Variants in ACBD4 observed in about 807,000 individuals in gnomAD.
ACBD4 encodes the protein acyl-CoA binding domain containing 4.
In ACBD4, 41 loss-of-function variants were observed where a neutral mutation model predicts 46.0. That is an observed-to-expected ratio of 0.89 (90% CI 0.69 to 1.16). The LOEUF (loss-of-function observed/expected upper bound fraction) is 1.16. Among genes scored for constraint, ACBD4 ranks in the 50% most tolerant of loss-of-function variants. The pLI, the probability that ACBD4 is intolerant of heterozygous loss-of-function variation, is 0.00. For synonymous variants in ACBD4, 162 were observed against 155.9 expected (o/e 1.04, Z -0.29); for missense variants, 393 against 399.5 (o/e 0.98, Z 0.14).
In ACBD4 at chr17:45,136,746, C is replaced by T; in HGVS notation, c.264C>T (p.Tyr88=). The change falls in exon 4 of 10, where the codon TAC becomes TAT. Residue 88 remains tyrosine, a synonymous_variant. Transcript: ENST00000321854. ...KMSREEAMSA[Y]ITEMKLVAQK... ...GCAGGGAGGAGGCCATGTCTGCCTACATCACTGAAATGAAACTGGTGGCAC... is the reference window on the plus strand; with the variant it reads ...GCAGGGAGGAGGCCATGTCTGCCTATATCACTGAAATGAAACTGGTGGCAC... 6.2e-7 allele frequency: 1 copy of T among 1,613,782 alleles called. No individual in the cohort carries two copies. The highest frequency in any genetic ancestry group is 8.5e-7 in the Non-Finnish European group (1 of 1,180,032).
At chr17:45,132,213 C>T, upstream of ACBD4, 12 of 1,249,472 alleles carry the variant, frequency 9.6e-6, no homozygotes, top group Non-Finnish European at 1.2e-5. The surrounding 1 kb of genome is among the most constrained non-coding windows in gnomAD (Gnocchi z 4.6). Flanking sequence ...GGGAACGGTC[C>T]GCGCCCACCC....
intron 2 of ACBD4, 132 bp from the exon 3 acceptor site, chr17:45,136,368 T>C: frequency 6.8e-7 from 1 of 1,463,504 alleles, no homozygotes; most frequent in South Asian, 1.2e-5. Flanking sequence ...TCCCTCCGCT[T>C]CCTATCCTAG....
upstream of ACBD4, chr17:45,132,663 C>G (rs1299452324): frequency 8.3e-6 from 2 of 241,648 alleles, no homozygotes; most frequent in Non-Finnish European, 7.9e-6. This position sits in a 1 kb window ranked among gnomAD's most constrained non-coding sequence, Gnocchi z 4.6. Flanking sequence ...CGCCCCTGCT[C>G]GTGAGTCCGT....
intron 8 of ACBD4, among the ~76,000 whole-genome samples, 185 bp from the exon 9 acceptor site, chr17:45,138,836 A>AC (rs2055065349): frequency 6.6e-6 from 1 of 151,730 alleles, no homozygotes; most frequent in Non-Finnish European, 1.5e-5. Flanking sequence ...ATAAGCGGCC[A>AC]TGCTGGGATT....
chr17:45,137,597 G>A (rs2054942660), intron 6 of ACBD4, 143 bp downstream of exon 6: 1 of 1,322,380 alleles, frequency 7.6e-7, no homozygotes. Flanking sequence ...TAGGATTCCT[G>A]TTCCAGGGCC....
At position 45,136,700 on chromosome 17, in the gene ACBD4, G is replaced by A; in HGVS notation, c.218G>A (p.Trp73Ter). 1 of 1,614,100 alleles carries A rather than the reference G, an allele frequency of 6.2e-7. No homozygotes were observed. The highest frequency in any genetic ancestry group is 8.5e-7 in the Non-Finnish European group (1 of 1,180,022). The part of the protein sequence containing the change: ...DPIGRYKWDA[W>*]NSLGKMSREE... ...CAGCCCTCTGCCCCCAGGGACGCCT[G>A]GAACAGTCTGGGCAAGATGAGCAGG... Residue 73 changes from tryptophan to a stop codon, truncating the protein, a stop_gained, in exon 4 of 10, where the codon TGG becomes TAG. Transcript: ENST00000321854. LOFTEE classifies it high-confidence loss of function.
In ACBD4 at chr17:45,138,000, C is replaced by T. The variant is rs1326255821; in HGVS notation, c.649+12C>T. On this transcript the variant is annotated intron_variant, in intron 8 of 9. Transcript: ENST00000321854. ...CCCCACAAAGAAAGGTGAGCTCCTA[C>T]CCAACCTCTCACCCACTTCTGCCCT... The T allele has an allele frequency of 5.6e-6, 9 of 1,610,562 alleles. No homozygotes were observed. Among genetic ancestry groups the T allele is most frequent in the Non-Finnish European group, 7.6e-6 (9 of 1,178,602 alleles).
chr17:45,137,864 C>T (rs530738927), intron 7 of ACBD4, 34 bp downstream of exon 7: 1 of 1,612,622 alleles, frequency 6.2e-7, no homozygotes, highest in African/African-American at 1.3e-5. Flanking sequence ...CTTTTCCCAC[C>T]CCACTGTGCT....
Position 45,137,137 on chromosome 17 carries a change from C to A in ACBD4, c.413C>A (p.Thr138Lys), listed in dbSNP as rs1484213078. ...CCAGAGACCTTCCTGAGAAGGGTCA[C>A]AGGTCAGACTCCCAGGCTGGGAGCT... ...RPPETFLRRV[T>K]GWKEQVVNGD... is the part of the protein sequence containing the mutation. Residue 138 changes from threonine (T) to lysine (K), a missense_variant and splice_region_variant, in exon 5 of 10, where the codon ACA becomes AAA. Physicochemically the swap from Thr to Lys is moderately conservative, Grantham distance 78. This residue lies in a region of ACBD4 where 308 missense variants were observed against 301.8 expected (regional missense o/e 1.02). Transcript: ENST00000321854. 1.2e-6 allele frequency: 2 copies of A among 1,613,962 alleles called. No individual in the cohort carries two copies. Among genetic ancestry groups the A allele is most frequent in the Non-Finnish European group, 1.7e-6 (2 of 1,180,024 alleles).
At position 45,143,857 on chromosome 17, in the gene ACBD4, C is replaced by G; in HGVS notation, c.*286C>G. 1 of 488,574 alleles carries G rather than the reference C, an allele frequency of 2.0e-6. No individual in the cohort carries two copies. The highest frequency in any genetic ancestry group is 3.6e-6 in the Non-Finnish European group (1 of 275,322). The allele number at this position is 488,574 out of a possible 1,614,324, so 30.3% of individuals were successfully genotyped here. On this transcript the variant is annotated 3_prime_UTR_variant, in exon 10 of 10. Coordinates refer to ENST00000321854, the MANE Select transcript of ACBD4 (RefSeq NM_001135705.3). ...GGCCGTGACTCGGGGGCGGGGCGAT[C>G]GGGTCTCAGCCCCTGCCTTCCCCAG...
chr17:45,137,877 C>G lies in ACBD4; in HGVS notation c.574-36C>G, dbSNP rs371250075. 5.0e-6 allele frequency: 8 copies of G among 1,613,488 alleles called. No homozygotes were observed. The African/African-American group carries it at 1.1e-4, about 22-fold the overall frequency. ...CCCTTTTCCCACCCCACTGTGCTCC[C>G]ACTCCCACCCTCAGCTCTCTGACTC... On this transcript the variant is annotated intron_variant, in intron 7 of 9. Transcript: ENST00000321854.
intron 9 of ACBD4, 86 bp downstream of exon 9, chr17:45,139,246 C>A: frequency 7.3e-7 from 1 of 1,364,522 alleles, no homozygotes; most frequent in South Asian, 1.2e-5. Context: ...TTGTTTTTGT[C>A]CTCACGCCTC....
intron 9 of ACBD4, chr17:45,143,105 A>AG (rs1397620992): frequency 1.9e-5 from 4 of 213,488 alleles, no homozygotes; most frequent in Non-Finnish European, 2.8e-5. Flanking sequence ...CTAGGTACCC[A>AG]GGGTCCTCAT....
chr17:45,142,373 A>G (rs2055331197), intron 9 of ACBD4, among the ~76,000 whole-genome samples: 1 of 127,128 alleles, frequency 7.9e-6, no homozygotes, highest in African/African-American at 2.9e-5. Context: ...AGCCTGGGAG[A>G]CAGAGCAAGA....
chr17:45,132,739 G>A (rs2054503462), upstream of ACBD4: 1 of 172,700 alleles, frequency 5.8e-6, no homozygotes, highest in African/African-American at 2.4e-5. This position sits in a 1 kb window ranked among gnomAD's most constrained non-coding sequence, Gnocchi z 4.6. Flanking sequence ...CATGCTGCGG[G>A]GCTGGGGGTG....
intron 9 of ACBD4, among the ~76,000 whole-genome samples, chr17:45,140,851 A>G (rs1351771866): frequency 6.6e-6 from 1 of 152,064 alleles, no homozygotes; most frequent in Admixed American, 6.5e-5. Flanking sequence ...CGTCTCTACT[A>G]AAAATACAAA....
intron 9 of ACBD4, among the ~76,000 whole-genome samples, chr17:45,139,955 C>G (rs2055159209): frequency 6.6e-6 from 1 of 152,158 alleles, no homozygotes; most frequent in South Asian, 2.1e-4. Flanking sequence ...AGCTGGTACC[C>G]ACCATTAACT....
intron 5 of ACBD4, 106 bp downstream of exon 5, chr17:45,137,245 C>T (rs1325730377): frequency 1.4e-5 from 23 of 1,593,724 alleles, no homozygotes; most frequent in Non-Finnish European, 2.0e-5. Flanking sequence ...CCTGTTAGGG[C>T]CCCCAAGCCC....
chr17:45,143,701 A>C lies in ACBD4; in HGVS notation c.*130A>C. Reference sequence around the variant, plus strand: ...GTTTGCCTTCGCACCTCCTCCCCTAAAGCAGCGCGGGGGGCAAATAAGACC... The same window carrying C: ...GTTTGCCTTCGCACCTCCTCCCCTACAGCAGCGCGGGGGGCAAATAAGACC... On this transcript the variant is annotated 3_prime_UTR_variant, in exon 10 of 10. Coordinates refer to ENST00000321854, the MANE Select transcript of ACBD4 (RefSeq NM_001135705.3). 4.7e-6 allele frequency: 7 copies of C among 1,489,190 alleles called. No individual in the cohort carries two copies. The highest frequency in any genetic ancestry group is 5.5e-6 in the Non-Finnish European group (6 of 1,088,426). 92.2% of individuals were successfully genotyped at this position (1,489,190 alleles called of 1,614,324 possible). A position where few individuals can be genotyped will look rare whatever the true frequency, so the allele number is the denominator to read the frequency against.
Sources: allele counts gnomAD v4.1 joint callset (sites outside exome capture counted in the v4.1 genomes callset), GRCh38; gene constraint gnomAD v4.1.1; regional missense constraint gnomAD v4.1.1; non-coding constraint Gnocchi (gnomAD v3.1); transcripts MANE v1.5; gene names NCBI Gene and HGNC (gene_info 2026-07-23, HGNC 2026-07-21).